HEXD: variants seen among roughly 807,000 people sequenced by gnomAD.
HEXD encodes N-acetyl-beta-galactosaminidase.
In HEXD, 47 loss-of-function variants were observed where a neutral mutation model predicts 54.2. The ratio of observed to expected loss-of-function variants is 0.87; its 90% CI spans 0.69 to 1.11. The LOEUF (loss-of-function observed/expected upper bound fraction) is 1.11. Among genes scored for constraint, HEXD ranks in the 50% least tolerant of loss-of-function variants. The pLI, the probability that HEXD is intolerant of heterozygous loss-of-function variation, is 0.00. For missense variants in HEXD, 576 were observed against 649.2 expected, an observed-to-expected ratio of 0.89 and a Z score of 1.23; for synonymous variants, 293 against 287.6, an observed-to-expected ratio of 1.02 and a Z score of -0.19.
intron 3 of HEXD, chr17:82,428,231 G>C: frequency 5.3e-6 from 1 of 189,536 alleles, no homozygotes; most frequent in South Asian, 1.0e-4. Flanking sequence ...GTGGTCTGCT[G>C]GCCTTGGACT....
Position 82,439,720 on chromosome 17 carries a change from C to CTGGTCTGG in HEXD, c.982+8_982+15dup, listed in dbSNP as rs2053873324. ...CTGCAGTTGCTTCTACGCGGTATGT[C>CTGGTCTGG]TGGTCTGGCCACCCCAAGCCCCACC... is the stretch of plus-strand genomic sequence containing the variant. On this transcript the variant is annotated splice_region_variant and intron_variant, in intron 9 of 12. Transcript: ENST00000327949. 1 of 1,599,482 alleles carries CTGGTCTGG rather than the reference C, an allele frequency of 6.3e-7. No individual in the cohort carries two copies. Among genetic ancestry groups the CTGGTCTGG allele is most frequent in the Non-Finnish European group, 8.5e-7 (1 of 1,179,612 alleles).
At position 82,428,577 on chromosome 17, in the gene HEXD, A is replaced by G. The variant is rs2053488726; in HGVS notation, c.214A>G (p.Ile72Val). The stretch of plus-strand genomic sequence containing the variant: ...CTCCAGCCCCTCTGAAATCAAAGAG[A>G]TCTTGCATCTGGCTGGACTCAATGA... ...YAYSPSEIKE[I>V]LHLAGLNELE... is the part of the protein sequence containing the mutation. The change falls in exon 4 of 13, where the codon ATC becomes GTC. Residue 72 changes from isoleucine (I) to valine (V), a missense_variant. Transcript: ENST00000327949. 1 of 1,613,274 alleles carries G rather than the reference A, an allele frequency of 6.2e-7. No individual in the cohort carries two copies. The highest frequency in any genetic ancestry group is 8.5e-7 in the Non-Finnish European group (1 of 1,179,300).
At position 82,439,408 on chromosome 17, in the gene HEXD, C is replaced by T. The variant is rs2053862747; in HGVS notation, c.900-223C>T. ...AGCATTGCAGCAAGGAATCCCCACGCTCTTCACTTGTCCGGTTTCTAGAAC... is the reference window on the plus strand; with the variant it reads ...AGCATTGCAGCAAGGAATCCCCACGTTCTTCACTTGTCCGGTTTCTAGAAC... On this transcript the variant is annotated intron_variant, in intron 8 of 12. Coordinates refer to ENST00000327949, the MANE Select transcript of HEXD (RefSeq NM_001330542.2). 4.1e-6 allele frequency: 4 copies of T among 984,054 alleles called. No individual in the cohort carries two copies. In the East Asian group the frequency reaches 3.4e-4, roughly 84 times the overall value. The allele number at this position is 984,054 out of a possible 1,614,324, so 61.0% of individuals were successfully genotyped here.
chr17:82,433,107 TATATATATATATATATATATA>T (rs1567890463), intron 4 of HEXD, among the ~76,000 whole-genome samples: 1 of 12,178 alleles, frequency 8.2e-5, no homozygotes, highest in Non-Finnish European at 1.1e-4. Context: ...TATATATATA[TATATATATATATATATATATA>T]TTTTTTTTTT....
Position 82,441,063 on chromosome 17 carries a change from CG to C in HEXD, c.1051del (p.Asp351ThrfsTer206). ...CTCGGGATTTCCAGCCTGGAAAAAA[CG>C]GACCCTGTTAGGCAAGCACCCTGCA... Reference protein sequence around the residue: ...NLLGISSLEKTDPVREGAGSF... With the variant: ...NLLGISSLEKXDPVREGAGSF... On this transcript the variant is annotated frameshift_variant, in exon 10 of 13. Coordinates refer to ENST00000327949, the MANE Select transcript of HEXD (RefSeq NM_001330542.2). LOFTEE classifies it high-confidence loss of function. 6.2e-7 allele frequency: 1 copy of C among 1,613,644 alleles called. No individual in the cohort carries two copies. The highest frequency in any genetic ancestry group is 8.5e-7 in the Non-Finnish European group (1 of 1,179,998).
At chr17:82,437,664 A>G (rs1047565229) in intron 8 of HEXD, among the ~76,000 whole-genome samples, 1 of 151,898 alleles carries the variant, frequency 6.6e-6, no homozygotes, top group African/African-American at 2.4e-5. Flanking sequence ...TTGTGGCACG[A>G]GGAGGGGTTT....
At chr17:82,431,603 G>A (rs1427120606) in intron 4 of HEXD, among the ~76,000 whole-genome samples, 2 of 151,900 alleles carry the variant, frequency 1.3e-5, no homozygotes, top group East Asian at 1.9e-4. Flanking sequence ...TAGTAGAGAC[G>A]GGGTTTTGCC....
chr17:82,438,146 G>A (rs1013304970), intron 8 of HEXD, among the ~76,000 whole-genome samples: 1 of 152,032 alleles, frequency 6.6e-6, no homozygotes, highest in Non-Finnish European at 1.5e-5. Flanking sequence ...CTGAGGCAAG[G>A]AGAATCACTT....
intron 11 of HEXD, 38 bp from the exon 12 acceptor site, chr17:82,441,762 G>A (rs1168963271): frequency 6.4e-7 from 1 of 1,559,692 alleles, no homozygotes; most frequent in South Asian, 1.1e-5. Flanking sequence ...CGGCTGCCTT[G>A]GTAGCCCGCG....
rs1245383406 is a variant in HEXD, at chr17:82,427,098, T to C, written c.195-1460T>C. The C allele has an allele frequency of 2.0e-5, 3 of 149,410 alleles. No individual in the cohort carries two copies. The East Asian group carries it at 5.9e-4, about 30-fold the overall frequency. The allele number at this position is 149,410 out of a possible 1,614,324, so 9.3% of individuals were successfully genotyped here. On this transcript the variant is annotated intron_variant, in intron 3 of 12. Coordinates refer to ENST00000327949, the MANE Select transcript of HEXD (RefSeq NM_001330542.2). Reference sequence around the variant, plus strand: ...TTGCAGTGAGCTGAGATTGCGCCACTGCGCTCCAGCCTGGGCGACAGAGCT... The same window carrying C: ...TTGCAGTGAGCTGAGATTGCGCCACCGCGCTCCAGCCTGGGCGACAGAGCT...
rs546440315 is a variant in HEXD, at chr17:82,437,034, T to C, written c.704-134T>C. 8 of 806,892 alleles carry C rather than the reference T, an allele frequency of 9.9e-6. No homozygotes were observed. In the South Asian group the frequency reaches 1.0e-4, roughly 10 times the overall value. The allele number at this position is 806,892 out of a possible 1,614,324, so 50.0% of individuals were successfully genotyped here. A position where few individuals can be genotyped will look rare whatever the true frequency, so the allele number is the denominator to read the frequency against. ...GGCCGGCCGCATACACTCTGGAGTC[T>C]CCTACACTGAGACCCGGGCCTGGCT... On this transcript the variant is annotated intron_variant, in intron 7 of 12. Transcript: ENST00000327949.
chr17:82,431,764 G>A (rs926793866), intron 4 of HEXD, among the ~76,000 whole-genome samples: 9 of 152,150 alleles, frequency 5.9e-5, no homozygotes, highest in African/African-American at 1.9e-4. Context: ...TGAAATATTT[G>A]ATAAATTCTG....
chr17:82,435,784 G>C lies in HEXD; in HGVS notation c.543G>C (p.Val181=). The change falls in exon 6 of 13, where the codon GTG becomes GTC. Residue 181 remains valine, a synonymous_variant. Transcript: ENST00000327949. ...TGTGCCTGTCACACATGCGGGCGGTGGCCAGCGGCGTGAAGGCCCGGCGCC... is the reference window on the plus strand; with the variant it reads ...TGTGCCTGTCACACATGCGGGCGGTCGCCAGCGGCGTGAAGGCCCGGCGCC... The part of the protein sequence containing the change: ...GKLCLSHMRA[V]ASGVKARRPS... The C allele has an allele frequency of 6.2e-7, 1 of 1,612,870 alleles. No individual in the cohort carries two copies. Among genetic ancestry groups the C allele is most frequent in the Non-Finnish European group, 8.5e-7 (1 of 1,179,888 alleles).
At chr17:82,437,044 A>G (rs2053790461) in intron 7 of HEXD, 124 bp from the exon 8 acceptor site, 1 of 861,154 alleles carries the variant, frequency 1.2e-6, no homozygotes. Flanking sequence ...TCCTACACTG[A>G]GACCCGGGCC....
intron 9 of HEXD, 53 bp from the exon 10 acceptor site, chr17:82,440,944 C>T: frequency 6.3e-7 from 1 of 1,598,018 alleles, no homozygotes; most frequent in South Asian, 1.1e-5. Flanking sequence ...CAATGTAGCC[C>T]CCTCCCCTCC....
rs11386505 is a variant in HEXD at position 82,422,495 on chromosome 17, T to TAA, written c.85-1888_85-1887dup. Among the ~76,000 whole-genome samples the TAA allele has an allele frequency of 6.2e-3, 869 of 140,648 alleles. 6 individuals carry two copies. The highest frequency in any genetic ancestry group is 8.4e-3 in the Non-Finnish European group (534 of 63,490). 92.3% of individuals were successfully genotyped at this position (140,648 alleles called of 152,430 possible). A position where few individuals can be genotyped will look rare whatever the true frequency, so the allele number is the denominator to read the frequency against. On this transcript the variant is annotated intron_variant, in intron 2 of 12. Transcript: ENST00000327949. ...CTGGGCGATAGAGCAAGACTCAGTCTAAAAAAAAAAAAGCCCAGAAATGTG... is the reference window on the plus strand; with the variant it reads ...CTGGGCGATAGAGCAAGACTCAGTCTAAAAAAAAAAAAAAGCCCAGAAATGTG...
chr17:82,431,075 G>A (rs1014769153), intron 4 of HEXD, among the ~76,000 whole-genome samples: 3 of 149,856 alleles, frequency 2.0e-5, no homozygotes, highest in African/African-American at 7.4e-5. Context: ...ACAGCTCACT[G>A]CAGCCCTGAG....
chr17:82,429,259 C>CA lies in HEXD; in HGVS notation c.282+620dup, dbSNP rs199990910. ...TGGGTGACAGAGCAAGACTCCGTCT[C>CA]AAAAAATATATATATACACATATTC... is the stretch of plus-strand genomic sequence containing the variant. On this transcript the variant is annotated intron_variant, in intron 4 of 12. Coordinates refer to ENST00000327949, the MANE Select transcript of HEXD (RefSeq NM_001330542.2). Among the ~76,000 whole-genome samples, 521 of 152,100 alleles carry CA rather than the reference C, an allele frequency of 3.4e-3. 3 individuals carry two copies. Among genetic ancestry groups the CA allele is most frequent in the African/African-American group, 0.012 (494 of 41,450 alleles).
rs747717537 is a variant in HEXD, at chr17:82,433,670, C to T, written c.295C>T (p.His99Tyr). ...TGTCTCTCCGCAGTTTGTGCTGAAG[C>T]ACACGGCCTTCGCCCACCTGCGGGA... ...TFGHMEFVLK[H>Y]TAFAHLREVG... is the part of the protein sequence containing the mutation. The change falls in exon 5 of 13, where the codon CAC becomes TAC. Residue 99 changes from histidine to tyrosine, a missense_variant. His to Tyr is a moderately conservative substitution (Grantham distance 83). Transcript: ENST00000327949. 6.3e-7 allele frequency: 1 copy of T among 1,599,080 alleles called. No homozygotes were observed.
Sources: allele counts gnomAD v4.1 joint callset (sites outside exome capture counted in the v4.1 genomes callset), GRCh38; gene constraint gnomAD v4.1.1; transcripts MANE v1.5; gene names NCBI Gene and HGNC (gene_info 2026-07-23, HGNC 2026-07-21).